The following FCHO1 variants were observed in gnomAD, a reference collection of about 807,000 sequenced individuals.
FCHO1 encodes F-BAR domain only protein 1.
Under a neutral mutation model 114.4 loss-of-function variants are expected in FCHO1, and 45 were observed. The ratio of observed to expected loss-of-function variants is 0.39; its 90% CI spans 0.31 to 0.50. The LOEUF is 0.50. Among genes scored for constraint, FCHO1 ranks in the 20% least tolerant of loss-of-function variants. The probability of loss-of-function intolerance (pLI) is 0.77; values close to 1 mark genes in which losing one functional copy is unlikely to be tolerated. For synonymous variants in FCHO1, 480 were observed against 488.9 expected (o/e 0.98, Z 0.24); for missense variants, 1,042 against 1,209.6 (o/e 0.86, Z 2.06).
chr19:17,788,246 C>G (rs758026130), intron 28 of FCHO1, 38 bp from the exon 29 acceptor site: 1 of 1,024,994 alleles, frequency 9.8e-7, no homozygotes, highest in East Asian at 2.6e-5. Flanking sequence ...CCGTACCCCT[C>G]CTCCCCACCC....
rs200055639 is a variant in FCHO1 at position 17,786,555 on chromosome 19, A to G, written c.2427-19A>G. On this transcript the variant is annotated intron_variant, in intron 26 of 28. Coordinates refer to ENST00000596536, the MANE Select transcript of FCHO1 (RefSeq NM_015122.3). The stretch of plus-strand genomic sequence containing the variant: ...CATCCTCTCTGGGGAAGCCCTGATT[A>G]AGATTCTTTCTCTGCCAGGAACCTG... The G allele has an allele frequency of 3.1e-6, 5 of 1,608,898 alleles. No homozygotes were observed. The African/African-American group carries it at 6.7e-5, about 22-fold the overall frequency.
chr19:17,778,690 A>G lies in FCHO1; in HGVS notation c.1433A>G (p.Asp478Gly). The G allele has an allele frequency of 1.3e-6, 2 of 1,558,682 alleles. No homozygotes were observed. The highest frequency in any genetic ancestry group is 1.7e-6 in the Non-Finnish European group (2 of 1,157,050). Residue 478 changes from aspartate to glycine, a missense_variant, in exon 20 of 29, where the codon GAC (aspartate) becomes GGC (glycine). Asp to Gly is a moderately conservative substitution (Grantham distance 94). Around this residue, in one of 3 missense-constraint regions of FCHO1, gnomAD observed 455 missense variants for 455.4 expected, o/e 1.00. Coordinates refer to ENST00000596536, the MANE Select transcript of FCHO1 (RefSeq NM_015122.3). ...GAAAACGTGGAGGATTCCGGCCTGG[A>G]CTCTCCGTCCCACGCGGCACCTGGC... ...SPENVEDSGL[D>G]SPSHAAPGPS...
chr19:17,755,417 C>G (rs1167842368), intron 4 of FCHO1: 1 of 433,906 alleles, frequency 2.3e-6, no homozygotes, highest in East Asian at 3.9e-5. Flanking sequence ...ATAGGGAGAC[C>G]AAGGGCCAGA....
At chr19:17,787,443 C>T (rs973667843) in intron 27 of FCHO1, among the ~76,000 whole-genome samples, 5 of 150,218 alleles carry the variant, frequency 3.3e-5, no homozygotes, top group Admixed American at 6.6e-5. Flanking sequence ...AAGGAGAGGG[C>T]GTCCCAGGGC....
In FCHO1 at chr19:17,781,224, C is replaced by G; in HGVS notation, c.1628-7C>G. 4 of 1,608,868 alleles carry G rather than the reference C, an allele frequency of 2.5e-6. No individual in the cohort carries two copies. Among genetic ancestry groups the G allele is most frequent in the Non-Finnish European group, 3.4e-6 (4 of 1,176,218 alleles). ...TCTCAGCAGTGCCTCTTTGTACTCG[C>G]TCCTAGACCTGATGCCTGCACCTGC... On this transcript the variant is annotated splice_region_variant and splice_polypyrimidine_tract_variant and intron_variant, in intron 20 of 28. Coordinates refer to ENST00000596536, the MANE Select transcript of FCHO1 (RefSeq NM_015122.3).
intron 7 of FCHO1, 78 bp downstream of exon 7, chr19:17,766,888 G>A: frequency 6.7e-7 from 1 of 1,483,302 alleles, no homozygotes; most frequent in South Asian, 1.2e-5. Context: ...ATCTTCTGGG[G>A]CTTTATAACC....
rs371558338 is a variant in FCHO1, at chr19:17,781,308, G to T, written c.1705G>T (p.Val569Leu). Residue 569 changes from valine (V) to leucine (L), a missense_variant, in exon 21 of 29, where the codon GTG (valine) becomes TTG (leucine). This residue lies in a region of FCHO1 where 455 missense variants were observed against 455.4 expected (regional missense o/e 1.00). Coordinates refer to ENST00000596536, the MANE Select transcript of FCHO1 (RefSeq NM_015122.3). ...ACCCAGGAGACTTCGCTCTAGGAAG[G>T]TGTCCTGCCCTCTCACACGTAGCAA... ...APPRRLRSRK[V>L]SCPLTRSNGD... is the part of the protein sequence containing the mutation. 1.2e-6 allele frequency: 2 copies of T among 1,614,052 alleles called. No individual in the cohort carries two copies. The highest frequency in any genetic ancestry group is 1.7e-6 in the Non-Finnish European group (2 of 1,179,960).
At chr19:17,771,258 A>G (rs2091422676) in intron 9 of FCHO1, among the ~76,000 whole-genome samples, 1 of 151,942 alleles carries the variant, frequency 6.6e-6, no homozygotes, top group South Asian at 2.1e-4. Context: ...TCTCGAAAAA[A>G]TAAAATAAAT....
intron 23 of FCHO1, 98 bp from the exon 24 acceptor site, chr19:17,782,919 T>G: frequency 2.2e-6 from 3 of 1,381,076 alleles, no homozygotes; most frequent in East Asian, 2.4e-5. Flanking sequence ...ATCCGAGGAG[T>G]CTGGGGAGCC....
At position 17,788,291 on chromosome 19, in the gene FCHO1, C is replaced by T. The variant is rs1266758443; in HGVS notation, c.2655C>T (p.Tyr885=). Residue 885 remains tyrosine (Y), a synonymous_variant, in exon 29 of 29, where the codon TAC becomes TAT. Transcript: ENST00000596536. ...ACAGCTGCACCCCCACAGGGATGTA[C>T]CTGGTGAGCTGCTGAACCCGCAAAT... ...LVKRRFATGM[Y]LVSC is the part of the protein sequence containing the mutation. The T allele has an allele frequency of 1.5e-6, 2 of 1,351,852 alleles. No individual in the cohort carries two copies. The highest frequency in any genetic ancestry group is 1.1e-5 in the South Asian group (1 of 87,380). The allele number at this position is 1,351,852 out of a possible 1,614,324, so 83.7% of individuals were successfully genotyped here. A position where few individuals can be genotyped will look rare whatever the true frequency, so the allele number is the denominator to read the frequency against.
intron 1 of FCHO1, among the ~76,000 whole-genome samples, chr19:17,752,808 G>A (rs1208393086): frequency 6.6e-6 from 1 of 152,002 alleles, no homozygotes; most frequent in Admixed American, 6.6e-5. Context: ...GCTGAGATGG[G>A]AGGATCACTT....
At chr19:17,766,858 G>A (rs760431404) in intron 7 of FCHO1, 48 bp downstream of exon 7, 7 of 1,589,252 alleles carry the variant, frequency 4.4e-6, no homozygotes, top group African/African-American at 1.3e-5. Flanking sequence ...GTGGAACACC[G>A]GCAGCTCACA....
chr19:17,748,047 C>T (rs891930611), upstream of FCHO1, among the ~76,000 whole-genome samples: 1 of 152,232 alleles, frequency 6.6e-6, no homozygotes, highest in Non-Finnish European at 1.5e-5. Flanking sequence ...GTCTCCTGGC[C>T]TAGAACCGAG....
intron 1 of FCHO1, among the ~76,000 whole-genome samples, chr19:17,752,558 C>A (rs1003781829): frequency 2.0e-5 from 3 of 151,798 alleles, no homozygotes; most frequent in Non-Finnish European, 4.4e-5. Flanking sequence ...CTGCGCCCAG[C>A]CAATTGTATT....
At position 17,766,775 on chromosome 19, in the gene FCHO1, C is replaced by A. The variant is rs755561445; in HGVS notation, c.301C>A (p.Arg101Ser). The A allele has an allele frequency of 1.2e-6, 2 of 1,614,030 alleles. No individual in the cohort carries two copies. The highest frequency in any genetic ancestry group is 1.7e-6 in the Non-Finnish European group (2 of 1,180,010). The change falls in exon 7 of 29, where the codon CGC (arginine) becomes AGC (serine). Residue 101 changes from arginine (R) to serine (S), a missense_variant. Around this residue, in one of 3 missense-constraint regions of FCHO1, gnomAD observed 450 missense variants for 564.1 expected, o/e 0.80. Coordinates refer to ENST00000596536, the MANE Select transcript of FCHO1 (RefSeq NM_015122.3). ...KLQDLIKDVL[R>S]YGEEQLKTHK... is the part of the protein sequence containing the mutation. The stretch of plus-strand genomic sequence containing the variant: ...ACAGGATCTCATCAAGGACGTTCTC[C>A]GCTACGGCGAGGAACAGCTCAAGAC...
At position 17,780,959 on chromosome 19, in the gene FCHO1, C is replaced by T. The variant is rs192849411; in HGVS notation, c.1628-272C>T. On this transcript the variant is annotated intron_variant, in intron 20 of 28. Coordinates refer to ENST00000596536, the MANE Select transcript of FCHO1 (RefSeq NM_015122.3). ...CTGAACCCCCCTTACAGCATGCCTG[C>T]GTCTTAAGCCTTCAGTGCTTGCTTG... is the stretch of plus-strand genomic sequence containing the variant. 2.4e-3 allele frequency among the ~76,000 whole-genome samples: 359 copies of T among 152,324 alleles called. 1 individual carries two copies. The highest frequency in any genetic ancestry group is 3.9e-3 in the Admixed American group (59 of 15,300).
Position 17,776,547 on chromosome 19 carries a change from AC to A in FCHO1, c.1208-83del. 6.8e-7 allele frequency: 1 copy of A among 1,461,594 alleles called. No homozygotes were observed. 90.5% of individuals were successfully genotyped at this position (1,461,594 alleles called of 1,614,324 possible). ...GATCACCTTGGGCAACTGGCTGGAC[AC>A]CCCCGAGCCTCGGTCCCTTGGTCTG... is the stretch of plus-strand genomic sequence containing the variant. On this transcript the variant is annotated intron_variant, in intron 17 of 28. Coordinates refer to ENST00000596536, the MANE Select transcript of FCHO1 (RefSeq NM_015122.3). This position sits in a 1 kb window ranked among gnomAD's most constrained non-coding sequence, Gnocchi z 4.4.
intron 5 of FCHO1, among the ~76,000 whole-genome samples, chr19:17,763,476 C>T (rs1433407722): frequency 2.7e-5 from 4 of 150,050 alleles, no homozygotes; most frequent in East Asian, 2.0e-4. Context: ...GTTGGCCAGG[C>T]GGGTCTCAAA....
intron 13 of FCHO1, 165 bp downstream of exon 13, chr19:17,774,643 G>A (rs577095645): frequency 3.2e-4 from 198 of 617,474 alleles, no homozygotes; most frequent in Non-Finnish European, 4.9e-4. Flanking sequence ...CTCTGCCCCC[G>A]GCTAGCTCAA....
Sources: allele counts gnomAD v4.1 joint callset (sites outside exome capture counted in the v4.1 genomes callset), GRCh38; gene constraint gnomAD v4.1.1; regional missense constraint gnomAD v4.1.1; non-coding constraint Gnocchi (gnomAD v3.1); transcripts MANE v1.5; gene names NCBI Gene and HGNC (gene_info 2026-07-23, HGNC 2026-07-21).